Variants in TSPAN7 observed in about 807,000 individuals in gnomAD.
TSPAN7 encodes the protein tetraspanin-7.
TSPAN7 carries 1 observed loss-of-function variant against 17.6 expected under a neutral mutation model. The ratio of observed to expected loss-of-function variants is 0.06; its 90% confidence interval spans 0.02 to 0.27. The LOEUF is 0.27. Ranked by LOEUF, TSPAN7 falls within the 10% of genes least tolerant of loss-of-function variation. The pLI, the probability that TSPAN7 is intolerant of heterozygous loss-of-function variation, is 1.00. For synonymous variants in TSPAN7, 78 were observed against 79.0 expected (o/e 0.99, Z 0.07); for missense variants, 112 against 201.7 (o/e 0.56, Z 2.69).
intron 1 of TSPAN7, among the ~76,000 whole-genome samples, chrX:38,629,300 C>T (rs755763648): frequency 4.0e-4 from 45 of 111,930 alleles, no homozygotes; most frequent in Middle Eastern, 4.6e-3. Context: ...TCTTCCACCA[C>T]GGTTTGTGTA....
chrX:38,592,842 A>G (rs1483505990), intron 1 of TSPAN7, among the ~76,000 whole-genome samples: 1 of 111,018 alleles, frequency 9.0e-6, no homozygotes, highest in African/African-American at 3.3e-5. Flanking sequence ...AAATAATTTT[A>G]TATTTTCCCA....
rs752207201 is a variant in TSPAN7, at chrX:38,637,550, CA to C, written c.82-28570del. ...TAGTTATTGTTGAGGCTGCTGAACT[CA>C]CTTTTTCCTTCCCAGTGCCTCTTGA... On this transcript the variant is annotated intron_variant, in intron 1 of 7. Transcript: ENST00000378482. Among the ~76,000 whole-genome samples the C allele has an allele frequency of 3.6e-5, 4 of 112,449 alleles. No homozygotes were observed. The East Asian group carries it at 1.1e-3, about 32-fold the overall frequency.
intron 1 of TSPAN7, among the ~76,000 whole-genome samples, chrX:38,609,333 A>G (rs2069404402): frequency 8.9e-6 from 1 of 111,836 alleles, no homozygotes; most frequent in Admixed American, 9.5e-5. Flanking sequence ...CTGCCTTGAT[A>G]ATAAATCAGT....
At chrX:38,658,607 C>A (rs975174953) in intron 1 of TSPAN7, among the ~76,000 whole-genome samples, 4 of 111,804 alleles carry the variant, frequency 3.6e-5, no homozygotes, top group Non-Finnish European at 7.5e-5. Context: ...TGTCTTCCAG[C>A]ATTGTCCTCT....
chrX:38,649,327 T>C (rs12012485), intron 1 of TSPAN7, among the ~76,000 whole-genome samples: 4,328 of 111,906 alleles, frequency 0.039, 217 homozygotes, highest in African/African-American at 0.13. Context: ...TCAGTGATGG[T>C]GAAAGGATAT....
chrX:38,661,660 C>T (rs963558116), intron 1 of TSPAN7, among the ~76,000 whole-genome samples: 3 of 111,451 alleles, frequency 2.7e-5, no homozygotes, highest in African/African-American at 9.8e-5. Flanking sequence ...CGAACCACAG[C>T]GTTGGCTGCT....
At chrX:38,663,432 A>T (rs2069761998) in intron 1 of TSPAN7, among the ~76,000 whole-genome samples, 1 of 112,067 alleles carries the variant, frequency 8.9e-6, no homozygotes, top group African/African-American at 3.3e-5. Context: ...GTGATAAAAG[A>T]CTACACATTG....
chrX:38,575,089 C>T (rs2069187005), intron 1 of TSPAN7, among the ~76,000 whole-genome samples: 1 of 111,303 alleles, frequency 9.0e-6, no homozygotes. Context: ...TGACAAGGAA[C>T]TCAGGGCAAT....
intron 1 of TSPAN7, among the ~76,000 whole-genome samples, chrX:38,593,615 A>G (rs761191193): frequency 1.9e-4 from 21 of 112,387 alleles, no homozygotes; most frequent in African/African-American, 5.8e-4. Context: ...CTCTGCCCCC[A>G]TAAATGGATT....
At chrX:38,686,378 G>C (rs1354526359) in intron 6 of TSPAN7, among the ~76,000 whole-genome samples, 1 of 112,144 alleles carries the variant, frequency 8.9e-6, no homozygotes, top group Non-Finnish European at 1.9e-5. Flanking sequence ...AGTGGCAGCA[G>C]GTGTTTCACC....
chrX:38,643,906 T>A (rs2069629882), intron 1 of TSPAN7, among the ~76,000 whole-genome samples: 1 of 111,381 alleles, frequency 9.0e-6, no homozygotes, highest in African/African-American at 3.3e-5. Context: ...TTGGTGGTAA[T>A]GAATGAGAGA....
rs2069406309 is a variant in TSPAN7, at chrX:38,609,585, C to CATATATACATATACATATGTATATGT, written c.81+47959_81+47984dup. Among the ~76,000 whole-genome samples the CATATATACATATACATATGTATATGT allele has an allele frequency of 2.8e-5, 3 of 107,756 alleles. No homozygotes were observed. In the Admixed American group the frequency reaches 3.0e-4, roughly 11 times the overall value. The allele number at this position is 107,756 out of a possible 115,157, so 93.6% of individuals were successfully genotyped here. On this transcript the variant is annotated intron_variant, in intron 1 of 7. Transcript: ENST00000378482. ...TCTGTGCATGGTGCTTGGCATGCAG[C>CATATATACATATACATATGTATATGT]ATATATACATATACATATGTATATG...
At chrX:38,579,751 C>T (rs1488711958) in intron 1 of TSPAN7, among the ~76,000 whole-genome samples, 1 of 110,695 alleles carries the variant, frequency 9.0e-6, no homozygotes, top group African/African-American at 3.3e-5. Flanking sequence ...TGTGTATCTA[C>T]TAACTAAATT....
chrX:38,599,975 T>C (rs1223979944), intron 1 of TSPAN7, among the ~76,000 whole-genome samples: 1 of 111,935 alleles, frequency 8.9e-6, no homozygotes, highest in Non-Finnish European at 1.9e-5. Context: ...TGCATTTATT[T>C]TGGTGGCAGC....
At position 38,655,428 on chromosome X, in the gene TSPAN7, T is replaced by C. The variant is rs1602115362; in HGVS notation, c.82-10693T>C. On this transcript the variant is annotated intron_variant, in intron 1 of 7. Coordinates refer to ENST00000378482, the MANE Select transcript of TSPAN7 (RefSeq NM_004615.4). ...TTAGTAGCAGTACCATATATATATA[T>C]GCAGTGTGGACATATGAGTGTTGAA... is the stretch of plus-strand genomic sequence containing the variant. Among the ~76,000 whole-genome samples the C allele has an allele frequency of 2.7e-5, 3 of 111,558 alleles. No individual in the cohort carries two copies. The East Asian group carries it at 8.3e-4, about 31-fold the overall frequency.
At chrX:38,615,551 T>C (rs2069450940) in intron 1 of TSPAN7, among the ~76,000 whole-genome samples, 1 of 96,850 alleles carries the variant, frequency 1.0e-5, no homozygotes, top group South Asian at 6.0e-4. Context: ...TCTCCAGTTT[T>C]TTGTTTTTTG....
chrX:38,663,528 C>T (rs986326542), intron 1 of TSPAN7, among the ~76,000 whole-genome samples: 3 of 111,959 alleles, frequency 2.7e-5, no homozygotes, highest in African/African-American at 9.7e-5. Context: ...CCAAACACCA[C>T]TTGTTCCCCA....
chrX:38,635,745 G>A (rs1259052860), intron 1 of TSPAN7, among the ~76,000 whole-genome samples: 1 of 112,072 alleles, frequency 8.9e-6, no homozygotes. Flanking sequence ...ATTTGTAGAT[G>A]AGGAAATTGA....
chrX:38,629,682 A>T (rs758078955), intron 1 of TSPAN7, among the ~76,000 whole-genome samples: 1 of 111,509 alleles, frequency 9.0e-6, no homozygotes, highest in African/African-American at 3.3e-5. Flanking sequence ...TGTTCCACTG[A>T]CCTGAGGGCC....
Sources: gnomAD v4.1 joint callset for allele counts (sites outside exome capture counted in the v4.1 genomes callset) on GRCh38, gnomAD v4.1.1 for gene constraint, MANE v1.5 for transcripts, NCBI Gene and HGNC (gene_info 2026-07-23, HGNC 2026-07-21) for gene names.